Variants in FGGY observed in about 807,000 individuals in gnomAD.
FGGY encodes the protein FGGY carbohydrate kinase domain containing.
Under a neutral mutation model 71.3 loss-of-function variants are expected in FGGY, and 72 were observed. The observed-to-expected ratio is 1.01, with a 90% CI of 0.84 to 1.23. FGGY has a LOEUF of 1.23. Ranked by LOEUF, FGGY falls within the 50% of genes most tolerant of loss-of-function variation. The pLI, the probability that FGGY is intolerant of heterozygous loss-of-function variation, is 0.00. For missense variants in FGGY, 668 were observed against 682.3 expected (o/e 0.98, Z 0.23); for synonymous variants, 251 against 250.3 (o/e 1.00, Z -0.02).
chr1:59,464,793 C>T (rs370786588), intron 6 of FGGY, among the ~76,000 whole-genome samples: 45 of 152,254 alleles, frequency 3.0e-4, no homozygotes, highest in African/African-American at 9.9e-4. Context: ...AATTCCTGGA[C>T]ACATACACCT....
rs1390640902 is a variant in FGGY, at chr1:59,650,127, T to G, written c.1222-10092T>G. 4.7e-5 allele frequency among the ~76,000 whole-genome samples: 7 copies of G among 148,290 alleles called. 1 individual carries two copies. The highest frequency in any genetic ancestry group is 5.9e-5 in the Non-Finnish European group (4 of 67,994). ...ACTTGATCATGGTGGATAAGCTTTT[T>G]GATGTGCTGCTGGATTTGGTTTGCC... On this transcript the variant is annotated intron_variant, in intron 11 of 15. Coordinates refer to ENST00000303721, the MANE Select transcript of FGGY (RefSeq NM_018291.5).
At chr1:59,508,895 C>G (rs2094456010) in intron 6 of FGGY, among the ~76,000 whole-genome samples, 1 of 152,080 alleles carries the variant, frequency 6.6e-6, no homozygotes. Flanking sequence ...GGATGGTTGG[C>G]TGTGAAAGAA....
In FGGY at chr1:59,590,222, C is replaced by T. The variant is rs547043945; in HGVS notation, c.904-17581C>T. Among the ~76,000 whole-genome samples, 96 of 152,266 alleles carry T rather than the reference C, an allele frequency of 6.3e-4. 1 individual carries two copies. Among genetic ancestry groups the T allele is most frequent in the Non-Finnish European group, 8.2e-4 (56 of 68,026 alleles). ...ATAAATTCCTCGACACATACACCCT[C>T]CCAAGCCTAAACCAAGAAGAAGTTG... On this transcript the variant is annotated intron_variant, in intron 8 of 15. Coordinates refer to ENST00000303721, the MANE Select transcript of FGGY (RefSeq NM_018291.5).
rs568209867 is a variant in FGGY, at chr1:59,347,971, T to C, written c.465+1573T>C. On this transcript the variant is annotated intron_variant, in intron 4 of 15. Transcript: ENST00000303721. Reference sequence around the variant, plus strand: ...ATTGACAAATGGGATCTCATTAAACTAAAGAGCTTCTGCACAGCAAAAGAA... The same window carrying C: ...ATTGACAAATGGGATCTCATTAAACCAAAGAGCTTCTGCACAGCAAAAGAA... Among the ~76,000 whole-genome samples the C allele has an allele frequency of 1.4e-4, 22 of 152,200 alleles. 1 individual carries two copies. In the South Asian group the frequency reaches 4.6e-3, roughly 32 times the overall value.
At chr1:59,644,561 G>A (rs907581339) in intron 11 of FGGY, among the ~76,000 whole-genome samples, 13 of 151,924 alleles carry the variant, frequency 8.6e-5, no homozygotes, top group Admixed American at 5.2e-4. Context: ...AATAACAGTC[G>A]GTCTCAAAAC....
intron 8 of FGGY, among the ~76,000 whole-genome samples, chr1:59,566,238 C>T (rs2095871012): frequency 6.6e-6 from 1 of 152,032 alleles, no homozygotes; most frequent in Admixed American, 6.5e-5. Context: ...GGAGCCCTAA[C>T]CAAGCATTGG....
At chr1:59,721,378 G>T (rs1314909266) in intron 14 of FGGY, among the ~76,000 whole-genome samples, 1 of 107,336 alleles carries the variant, frequency 9.3e-6, no homozygotes, top group Non-Finnish European at 1.7e-5. Context: ...TTGCTCTGTT[G>T]CCTAGGCTGG....
intron 6 of FGGY, among the ~76,000 whole-genome samples, chr1:59,492,778 A>G (rs1192114516): frequency 2.0e-5 from 3 of 152,102 alleles, no homozygotes; most frequent in Non-Finnish European, 4.4e-5. Context: ...TTTATTAAAC[A>G]GGCTTTCAGC....
chr1:59,369,292 A>G (rs1045031530), intron 4 of FGGY, among the ~76,000 whole-genome samples: 5 of 152,150 alleles, frequency 3.3e-5, no homozygotes, highest in Admixed American at 6.5e-5. Context: ...TCGTACGCCC[A>G]CGGAGTCTCG....
chr1:59,346,265 T>A lies in FGGY; in HGVS notation c.332T>A (p.Val111Asp), dbSNP rs1304891025. The A allele has an allele frequency of 6.2e-7, 1 of 1,612,894 alleles. No individual in the cohort carries two copies. The highest frequency in any genetic ancestry group is 1.1e-5 in the South Asian group (1 of 91,030). ...CTGCTAGGGGATTCCCATCGAAACGTCATCATGTGGCTGGACCATCGAGCA... is the reference window on the plus strand; with the variant it reads ...CTGCTAGGGGATTCCCATCGAAACGACATCATGTGGCTGGACCATCGAGCA... ...VNQEGDSHRN[V>D]IMWLDHRAVS... Residue 111 changes from valine to aspartate, a missense_variant, in exon 4 of 16, where the codon GTC (valine) becomes GAC (aspartate). By Grantham distance (152) the Val-to-Asp change is radical (BLOSUM62 -3). Transcript: ENST00000303721.
intron 3 of FGGY, among the ~76,000 whole-genome samples, chr1:59,345,081 A>G (rs1161488267): frequency 6.6e-6 from 1 of 152,160 alleles, no homozygotes; most frequent in African/African-American, 2.4e-5. Context: ...GTCATTGAAA[A>G]ACAGGGGTTA....
At chr1:59,686,771 T>C (rs760575560) in intron 14 of FGGY, among the ~76,000 whole-genome samples, 23 of 152,198 alleles carry the variant, frequency 1.5e-4, no homozygotes, top group Non-Finnish European at 2.4e-4. Flanking sequence ...TTCAATCCTG[T>C]AGCTGTGCAC....
intron 15 of FGGY, among the ~76,000 whole-genome samples, chr1:59,758,251 A>G (rs1322421899): frequency 6.6e-6 from 1 of 152,206 alleles, no homozygotes; most frequent in Non-Finnish European, 1.5e-5. Flanking sequence ...TTGGCAGCAA[A>G]TCTGCTCTTC....
Position 59,660,215 on chromosome 1 carries a change from G to T in FGGY, c.1222-4G>T. On this transcript the variant is annotated splice_polypyrimidine_tract_variant and splice_region_variant and intron_variant, in intron 11 of 15. Coordinates refer to ENST00000303721, the MANE Select transcript of FGGY (RefSeq NM_018291.5). Reference sequence around the variant, plus strand: ...TTCTTCTTTTCTTCCCTTCATGCCTGCAGGTCACCGGATTGAAACTGTCTC... The same window carrying T: ...TTCTTCTTTTCTTCCCTTCATGCCTTCAGGTCACCGGATTGAAACTGTCTC... 1.2e-6 allele frequency: 2 copies of T among 1,613,122 alleles called. No individual in the cohort carries two copies. Among genetic ancestry groups the T allele is most frequent in the Non-Finnish European group, 1.7e-6 (2 of 1,179,674 alleles).
At chr1:59,429,992 C>T (rs940140878) in intron 5 of FGGY, among the ~76,000 whole-genome samples, 5 of 152,174 alleles carry the variant, frequency 3.3e-5, no homozygotes, top group African/African-American at 1.2e-4. Flanking sequence ...AGATTTTTCC[C>T]TCCACTTGGC....
At chr1:59,461,828 CTATTAT>C (rs971098004) in intron 6 of FGGY, among the ~76,000 whole-genome samples, 6 of 151,164 alleles carry the variant, frequency 4.0e-5, no homozygotes, top group Non-Finnish European at 7.4e-5. Flanking sequence ...TTTTTTTCTT[CTATTAT>C]TATTATTATA....
chr1:59,537,199 A>G (rs2095341100), intron 7 of FGGY, among the ~76,000 whole-genome samples: 1 of 151,718 alleles, frequency 6.6e-6, no homozygotes, highest in African/African-American at 2.4e-5. Flanking sequence ...CTTATACACC[A>G]ATAACAGACA....
intron 2 of FGGY, among the ~76,000 whole-genome samples, chr1:59,339,286 G>A (rs78859255): frequency 0.017 from 2,523 of 152,042 alleles, 42 homozygotes; most frequent in Non-Finnish European, 0.026. Flanking sequence ...AGTAATAACA[G>A]CCTGTAGTAT....
chr1:59,693,592 C>T (rs983514666), intron 14 of FGGY, among the ~76,000 whole-genome samples: 4 of 151,436 alleles, frequency 2.6e-5, no homozygotes, highest in East Asian at 1.9e-4. Context: ...AAATCATATA[C>T]GTGCATAGAA....
Sources: gnomAD v4.1 joint callset for allele counts (sites outside exome capture counted in the v4.1 genomes callset) on GRCh38, gnomAD v4.1.1 for gene constraint, MANE v1.5 for transcripts, NCBI Gene and HGNC (gene_info 2026-07-23, HGNC 2026-07-21) for gene names.